The following PTPN12 variants were observed in gnomAD, a reference collection of about 807,000 sequenced individuals.
PTPN12 encodes the protein tyrosine-protein phosphatase non-receptor type 12.
In PTPN12, 29 loss-of-function variants were observed where a neutral mutation model predicts 97.6. The observed-to-expected ratio is 0.30, with a 90% CI of 0.22 to 0.41. The LOEUF is 0.41. Ranked by LOEUF, PTPN12 falls within the 10% of genes least tolerant of loss-of-function variation. The pLI is 1.00. For synonymous variants in PTPN12, 327 were observed against 300.4 expected (o/e 1.09, Z -0.91); for missense variants, 819 against 926.0 (o/e 0.88, Z 1.50).
At chr7:77,552,600 C>T (rs1190486434) in intron 1 of PTPN12, among the ~76,000 whole-genome samples, 6 of 152,088 alleles carry the variant, frequency 3.9e-5, no homozygotes, top group Non-Finnish European at 7.4e-5. Flanking sequence ...GAAAGGTAAT[C>T]TGGTGATACT....
chr7:77,595,824 G>T (rs940366314), intron 6 of PTPN12, among the ~76,000 whole-genome samples: 2 of 152,108 alleles, frequency 1.3e-5, no homozygotes, highest in Non-Finnish European at 2.9e-5. Context: ...TAAACTATCT[G>T]TAGTTTTAAC....
intron 7 of PTPN12, 100 bp from the exon 8 acceptor site, chr7:77,600,564 T>C: frequency 9.7e-7 from 1 of 1,028,536 alleles, no homozygotes; most frequent in African/African-American, 1.6e-5. Context: ...CAGTGCTAAA[T>C]GCCACACAAA....
chr7:77,572,919 T>A (rs67630171), intron 2 of PTPN12, among the ~76,000 whole-genome samples: 1 of 151,364 alleles, frequency 6.6e-6, no homozygotes, highest in South Asian at 2.1e-4. Flanking sequence ...CCCATCTCTA[T>A]CAAAAATACA....
chr7:77,625,482 T>G (rs1020965015), intron 12 of PTPN12, among the ~76,000 whole-genome samples: 1,822 of 62,300 alleles, frequency 0.029, 91 homozygotes, highest in Middle Eastern at 0.061. Flanking sequence ...GCTCTCTCTC[T>G]CTCTCTCTCT....
intron 1 of PTPN12, among the ~76,000 whole-genome samples, chr7:77,564,506 G>C (rs549514223): frequency 6.6e-6 from 1 of 152,142 alleles, no homozygotes; most frequent in East Asian, 1.9e-4. Flanking sequence ...AAATTCAGAT[G>C]AATTCTCCAG....
At chr7:77,571,898 A>G (rs895707062) in intron 2 of PTPN12, among the ~76,000 whole-genome samples, 4 of 152,148 alleles carry the variant, frequency 2.6e-5, no homozygotes, top group African/African-American at 9.7e-5. Flanking sequence ...AGATAACTTT[A>G]ACTCTGAAAG....
In PTPN12 at chr7:77,571,096, A is replaced by G; in HGVS notation, c.118A>G (p.Thr40Ala). The G allele has an allele frequency of 6.3e-7, 1 of 1,584,586 alleles. No individual in the cohort carries two copies. Among genetic ancestry groups the G allele is most frequent in the East Asian group, 2.3e-5 (1 of 43,592 alleles). Residue 40 changes from threonine (T) to alanine (A), a missense_variant, in exon 2 of 18, where the codon ACC becomes GCC. This residue lies in a region of PTPN12 where 66 missense variants were observed against 133.6 expected (regional missense o/e 0.49). Transcript: ENST00000248594. The part of the protein sequence containing the change: ...RDFMRLRRLS[T>A]KYRTEKIYPT... ...TTTTAAGCGGTTAAGAAGATTGTCT[A>G]CCAAATATAGAACAGAAAAGATATA...
Position 77,564,722 on chromosome 7 carries a change from TTTG to T in PTPN12, c.100-6347_100-6345del, listed in dbSNP as rs951641185. Among the ~76,000 whole-genome samples the T allele has an allele frequency of 1.1e-4, 16 of 150,474 alleles. No homozygotes were observed. In the East Asian group the frequency reaches 1.6e-3, roughly 15 times the overall value. ...GTGCCTTATGAAACTCATACTGTGT[TTTG>T]TTGTTGTTTTTTGTTGTCGTGTTTT... On this transcript the variant is annotated intron_variant, in intron 1 of 17. Transcript: ENST00000248594.
intron 1 of PTPN12, among the ~76,000 whole-genome samples, chr7:77,563,325 A>G (rs901750206): frequency 6.6e-6 from 1 of 152,222 alleles, no homozygotes; most frequent in Non-Finnish European, 1.5e-5. Context: ...GATTATGCTG[A>G]TAGTAGCTAT....
At chr7:77,606,250 A>C (rs910689363) in intron 8 of PTPN12, among the ~76,000 whole-genome samples, 6 of 152,022 alleles carry the variant, frequency 3.9e-5, no homozygotes, top group Non-Finnish European at 7.4e-5. Flanking sequence ...CCCTGCGCCC[A>C]GCCACAAGAG....
chr7:77,558,251 G>C (rs1251071309), intron 1 of PTPN12, among the ~76,000 whole-genome samples: 3 of 149,724 alleles, frequency 2.0e-5, no homozygotes, highest in Non-Finnish European at 3.0e-5. Context: ...GAAAGAAAAA[G>C]AAAATGGTAA....
intron 4 of PTPN12, 21 bp from the exon 5 acceptor site, chr7:77,585,522 C>CT (rs745446638): frequency 6.3e-7 from 1 of 1,599,000 alleles, no homozygotes; most frequent in Non-Finnish European, 8.6e-7. Context: ...CTTTATCTCA[C>CT]TCCCCACCAT....
At chr7:77,552,573 G>T (rs968453312) in intron 1 of PTPN12, among the ~76,000 whole-genome samples, 7 of 152,128 alleles carry the variant, frequency 4.6e-5, no homozygotes, top group South Asian at 2.1e-4. Context: ...TTTAAAACAG[G>T]TTATAGATAA....
intron 5 of PTPN12, among the ~76,000 whole-genome samples, chr7:77,585,975 A>G (rs1325225292): frequency 6.6e-6 from 1 of 152,048 alleles, no homozygotes; most frequent in East Asian, 1.9e-4. Context: ...TTTTTTCTAG[A>G]CAGAGTCTCG....
Position 77,635,705 on chromosome 7 carries a change from GT to G in PTPN12, c.2075-71del, listed in dbSNP as rs564410051. 11 of 872,618 alleles carry G rather than the reference GT, an allele frequency of 1.3e-5. No individual in the cohort carries two copies. The South Asian group carries it at 2.8e-4, about 22-fold the overall frequency. 54.1% of individuals were successfully genotyped at this position (872,618 alleles called of 1,614,324 possible). On this transcript the variant is annotated intron_variant, in intron 14 of 17. Coordinates refer to ENST00000248594, the MANE Select transcript of PTPN12 (RefSeq NM_002835.4). ...ATAGTTTCTAAAATCTTTAGGATCT[GT>G]TTTTTGTATTACTTTAATGCAAAGA...
At chr7:77,542,062 T>C (rs1048856440) in intron 1 of PTPN12, among the ~76,000 whole-genome samples, 3 of 152,206 alleles carry the variant, frequency 2.0e-5, no homozygotes, top group African/African-American at 7.2e-5. Flanking sequence ...GAGGTGGTCC[T>C]GGACCATACT....
chr7:77,596,721 AT>A (rs1229035499), intron 6 of PTPN12, among the ~76,000 whole-genome samples: 3 of 151,916 alleles, frequency 2.0e-5, no homozygotes, highest in African/African-American at 4.8e-5. Flanking sequence ...TTTCAAGACT[AT>A]TTTTTTTAGA....
intron 2 of PTPN12, among the ~76,000 whole-genome samples, chr7:77,571,507 A>AG (rs1562719689): frequency 3.3e-5 from 5 of 152,194 alleles, no homozygotes; most frequent in Non-Finnish European, 7.3e-5. Flanking sequence ...ACAACTGAAT[A>AG]CATTTTATAA....
Position 77,566,229 on chromosome 7 carries a change from G to A in PTPN12, c.100-4849G>A, listed in dbSNP as rs535621922. 3.9e-5 allele frequency among the ~76,000 whole-genome samples: 6 copies of A among 152,254 alleles called. No homozygotes were observed. In the South Asian group the frequency reaches 1.2e-3, roughly 32 times the overall value. On this transcript the variant is annotated intron_variant, in intron 1 of 17. Transcript: ENST00000248594. ...ACTAAAGCATCAAACTCTAATAAGA[G>A]CATTATAAAAAGAGGCTAGAAAATT... is the stretch of plus-strand genomic sequence containing the variant.
Sources: gnomAD v4.1 joint callset for allele counts (sites outside exome capture counted in the v4.1 genomes callset) on GRCh38, gnomAD v4.1.1 for gene constraint, gnomAD v4.1.1 regional missense constraint, MANE v1.5 for transcripts, NCBI Gene and HGNC (gene_info 2026-07-23, HGNC 2026-07-21) for gene names.